RBFOX1: variants seen among roughly 807,000 people sequenced by gnomAD.
RBFOX1 encodes RNA binding fox-1 homolog 1.
RBFOX1 carries 8 observed loss-of-function variants against 57.7 expected under a neutral mutation model. That is an observed-to-expected ratio of 0.14 (90% CI 0.08 to 0.25). RBFOX1 has a LOEUF of 0.25. RBFOX1 is among the 10% of genes least tolerant of loss of function. The pLI is 1.00. For synonymous variants in RBFOX1, 326 were observed against 222.4 expected (o/e 1.47, Z -4.15); for missense variants, 611 against 548.5 (o/e 1.11, Z -1.14).
intron 2 of RBFOX1, among the ~76,000 whole-genome samples, chr16:6,512,329 T>C (rs555403618): frequency 5.5e-5 from 8 of 145,200 alleles, no homozygotes; most frequent in African/African-American, 2.1e-4. Flanking sequence ...TATGCATGTA[T>C]TTAATGAAAA....
chr16:5,735,554 G>T (rs1186314743), intron 3 of RBFOX1, among the ~76,000 whole-genome samples: 1 of 152,148 alleles, frequency 6.6e-6, no homozygotes, highest in African/African-American at 2.4e-5. Context: ...AGGCATGTGG[G>T]TGTCCATTAC....
intron 1 of RBFOX1, among the ~76,000 whole-genome samples, chr16:6,074,175 T>C (rs1356480849): frequency 1.3e-5 from 2 of 152,096 alleles, no homozygotes; most frequent in African/African-American, 4.8e-5. Context: ...GTCTTGACCT[T>C]CTGACCTTGT....
chr16:6,718,725 C>G (rs908401509), intron 3 of RBFOX1, among the ~76,000 whole-genome samples: 2 of 152,204 alleles, frequency 1.3e-5, no homozygotes. Flanking sequence ...GTGTGTACCA[C>G]TCACTGAAGG....
intron 3 of RBFOX1, among the ~76,000 whole-genome samples, chr16:5,696,554 G>A (rs1290745203): frequency 6.6e-6 from 1 of 152,152 alleles, no homozygotes; most frequent in African/African-American, 2.4e-5. Context: ...CAAATTTACC[G>A]CATATTTCTA....
intron 3 of RBFOX1, chr16:6,873,936 G>A (rs1308242495): frequency 6.6e-6 from 1 of 152,160 alleles, no homozygotes; most frequent in African/African-American, 2.4e-5. Context: ...ACATTGGAAT[G>A]ATACAGAGAA....
chr16:5,545,048 C>G (rs1005492834), intron 2 of RBFOX1, among the ~76,000 whole-genome samples: 1 of 134,640 alleles, frequency 7.4e-6, no homozygotes, highest in South Asian at 2.4e-4. Flanking sequence ...GCATTCTTGG[C>G]TCACTGCAAC....
At chr16:5,682,427 A>G (rs984944877) in intron 3 of RBFOX1, among the ~76,000 whole-genome samples, 2 of 152,224 alleles carry the variant, frequency 1.3e-5, no homozygotes, top group African/African-American at 4.8e-5. Flanking sequence ...ACAATTTATC[A>G]GGTGGTGCTA....
intron 4 of RBFOX1, among the ~76,000 whole-genome samples, chr16:7,125,514 A>G (rs573674108): frequency 1.3e-5 from 2 of 152,304 alleles, no homozygotes; most frequent in Admixed American, 6.5e-5. Context: ...GTTCCTTCAG[A>G]AAATATGGTT....
intron 2 of RBFOX1, among the ~76,000 whole-genome samples, chr16:6,503,329 T>C (rs1275340121): frequency 5.3e-5 from 8 of 152,212 alleles, no homozygotes; most frequent in Non-Finnish European, 1.0e-4. Flanking sequence ...ATAAAGGAGA[T>C]TGTAGAAGCC....
intron 3 of RBFOX1, among the ~76,000 whole-genome samples, chr16:6,784,405 T>G (rs2081562684): frequency 6.6e-6 from 1 of 152,170 alleles, no homozygotes; most frequent in Admixed American, 6.6e-5. Context: ...TGAGACACTC[T>G]GATGCATTTT....
intron 4 of RBFOX1, among the ~76,000 whole-genome samples, chr16:5,976,767 G>A (rs1221011586): frequency 6.6e-6 from 1 of 151,404 alleles, no homozygotes; most frequent in East Asian, 1.9e-4. Context: ...TACTTGGGGG[G>A]CTTAGCCAGG....
intron 1 of RBFOX1, among the ~76,000 whole-genome samples, chr16:5,264,041 C>T (rs1472138312): frequency 2.0e-5 from 3 of 151,774 alleles, no homozygotes; most frequent in Non-Finnish European, 2.9e-5. Context: ...CAGGGAAGAA[C>T]GAGTTTAGGA....
intron 3 of RBFOX1, among the ~76,000 whole-genome samples, chr16:5,623,553 C>T (rs1354076736): frequency 2.7e-5 from 4 of 150,074 alleles, no homozygotes; most frequent in South Asian, 2.1e-4. Flanking sequence ...TGCAGGTGGC[C>T]GGAGGACCAC....
intron 3 of RBFOX1, among the ~76,000 whole-genome samples, chr16:6,749,293 C>T (rs959276493): frequency 2.6e-5 from 4 of 152,126 alleles, no homozygotes; most frequent in African/African-American, 9.7e-5. Context: ...ATGACATCAA[C>T]CCAATTAAAT....
At chr16:5,535,518 G>C (rs2044659056) in intron 2 of RBFOX1, among the ~76,000 whole-genome samples, 2 of 152,156 alleles carry the variant, frequency 1.3e-5, no homozygotes, top group African/African-American at 4.8e-5. Context: ...AATCCAGCTG[G>C]CAAAATTTCC....
At chr16:5,649,800 A>C (rs1054859378) in intron 3 of RBFOX1, among the ~76,000 whole-genome samples, 2 of 152,210 alleles carry the variant, frequency 1.3e-5, no homozygotes, top group African/African-American at 4.8e-5. Context: ...TGTTGACAAC[A>C]TGTACATGGG....
chr16:6,503,687 C>G (rs573625644), intron 2 of RBFOX1, among the ~76,000 whole-genome samples: 20 of 152,270 alleles, frequency 1.3e-4, no homozygotes, highest in Admixed American at 6.5e-4. Flanking sequence ...AACTGAGGAG[C>G]ATCTTTCATC....
At chr16:7,391,273 C>A (rs1168982654) in intron 4 of RBFOX1, among the ~76,000 whole-genome samples, 1 of 152,166 alleles carries the variant, frequency 6.6e-6, no homozygotes, top group Non-Finnish European at 1.5e-5. Context: ...TTGCTGATGT[C>A]CCTCTAAGAG....
intron 3 of RBFOX1, among the ~76,000 whole-genome samples, chr16:6,886,313 C>T (rs960084159): frequency 2.0e-5 from 3 of 151,828 alleles, no homozygotes; most frequent in Non-Finnish European, 4.4e-5. Context: ...CTGCCCACCT[C>T]GACCTCCCAA....
Sources: gnomAD v4.1 joint callset for allele counts (sites outside exome capture counted in the v4.1 genomes callset) on GRCh38, gnomAD v4.1.1 for gene constraint, MANE v1.5 for transcripts, NCBI Gene and HGNC (gene_info 2026-07-23, HGNC 2026-07-21) for gene names.